The following TUB variants were observed in gnomAD, a reference collection of about 807,000 sequenced individuals.
The protein encoded by TUB is TUB bipartite transcription factor, also known as tubby protein homolog.
Under a neutral mutation model 59.7 loss-of-function variants are expected in TUB, and 33 were observed. The observed-to-expected ratio is 0.55, with a 90% CI of 0.42 to 0.74. The LOEUF (loss-of-function observed/expected upper bound fraction) is 0.74. Among genes scored for constraint, TUB ranks in the 30% least tolerant of loss-of-function variants. The pLI is 0.00. For synonymous variants in TUB, 293 were observed against 256.4 expected (o/e 1.14, Z -1.36); for missense variants, 659 against 672.0 (o/e 0.98, Z 0.21).
chr11:8,095,544 A>G lies in TUB; in HGVS notation c.444A>G (p.Gln148=). ...AALAEDKSEA[Q]GPVQILTVGQ... is the part of the protein sequence containing the mutation. Reference sequence around the variant, plus strand: ...TGGCAGAAGACAAGTCTGAGGCCCAAGGCCCAGTGCAGATTCTGACTGTGG... The same window carrying G: ...TGGCAGAAGACAAGTCTGAGGCCCAGGGCCCAGTGCAGATTCTGACTGTGG... The change falls in exon 5 of 12, where the codon CAA becomes CAG. Residue 148 remains glutamine (Q), a synonymous_variant. Coordinates refer to ENST00000299506, the MANE Select transcript of TUB (RefSeq NM_177972.3). 1.2e-6 allele frequency: 2 copies of G among 1,613,200 alleles called. No homozygotes were observed. The highest frequency in any genetic ancestry group is 1.7e-6 in the Non-Finnish European group (2 of 1,179,978).
At position 8,081,281 on chromosome 11, in the gene TUB, C is replaced by G. The variant is rs1943555646; in HGVS notation, c.-230C>G. 7 of 783,068 alleles carry G rather than the reference C, an allele frequency of 8.9e-6. No individual in the cohort carries two copies. In the South Asian group the frequency reaches 4.0e-4, roughly 45 times the overall value. 48.5% of individuals were successfully genotyped at this position (783,068 alleles called of 1,614,324 possible). On this transcript the variant is annotated 5_prime_UTR_variant, in exon 1 of 12. Transcript: ENST00000299506. ...TCCCCGCCTCCACGCGCGCGCACGA[C>G]CCGCGCACTCCCGGAGCTTCGCCCA...
At chr11:8,086,792 C>T (rs1359597965) in intron 1 of TUB, among the ~76,000 whole-genome samples, 1 of 152,172 alleles carries the variant, frequency 6.6e-6, no homozygotes, top group East Asian at 1.9e-4. Flanking sequence ...CACATGCCCG[C>T]TGGTGGGTGA....
intron 2 of TUB, among the ~76,000 whole-genome samples, chr11:8,045,278 A>T (rs1280093431): frequency 5.3e-5 from 8 of 152,170 alleles, no homozygotes; most frequent in Non-Finnish European, 1.2e-4. Context: ...ATCATGCAAG[A>T]ATTTCCAAGG....
At chr11:8,049,386 C>T (rs1056282063) in intron 2 of TUB, among the ~76,000 whole-genome samples, 2 of 151,974 alleles carry the variant, frequency 1.3e-5, no homozygotes, top group Non-Finnish European at 2.9e-5. Flanking sequence ...GAGAGTAGGG[C>T]CCAAGAATCT....
At chr11:8,075,640 A>C (rs1329583683) in intron 2 of TUB, 1 of 152,172 alleles carries the variant, frequency 6.6e-6, no homozygotes, top group Non-Finnish European at 1.5e-5. Context: ...ATTTAGGGTA[A>C]GTCCCATGAC....
intron 2 of TUB, among the ~76,000 whole-genome samples, chr11:8,074,346 A>G (rs1017398930): frequency 5.3e-5 from 8 of 152,190 alleles, no homozygotes; most frequent in Non-Finnish European, 1.2e-4. Flanking sequence ...CTTTGTATGA[A>G]ACCACATATG....
intron 10 of TUB, 84 bp from the exon 11 acceptor site, chr11:8,100,741 AC>A (rs1224539478): frequency 3.8e-6 from 6 of 1,575,438 alleles, no homozygotes; most frequent in Non-Finnish European, 4.3e-6. Flanking sequence ...AAATCCAAGG[AC>A]CCCCATTCCC....
chr11:8,047,334 C>G (rs1236022055), intron 2 of TUB, among the ~76,000 whole-genome samples: 1 of 152,196 alleles, frequency 6.6e-6, no homozygotes, highest in African/African-American at 2.4e-5. Flanking sequence ...GTGCTAAACT[C>G]TATCACAAGT....
chr11:8,061,415 A>G (rs1943123797), intron 2 of TUB, among the ~76,000 whole-genome samples: 1 of 152,094 alleles, frequency 6.6e-6, no homozygotes, highest in Non-Finnish European at 1.5e-5. Flanking sequence ...GGGTGGAAAC[A>G]CCCTGCGGTG....
At chr11:8,038,944 G>A (rs1310587580) in exon 1 of TUB, 4 of 1,614,044 alleles carry the variant, frequency 2.5e-6, no homozygotes, top group Non-Finnish European at 3.4e-6. Context: ...TTGTTCCCAG[G>A]AGGCACTCCC....
chr11:8,050,728 A>G (rs1241846392), intron 2 of TUB, among the ~76,000 whole-genome samples: 1 of 152,216 alleles, frequency 6.6e-6, no homozygotes, highest in Non-Finnish European at 1.5e-5. Context: ...TTTTCCCTTC[A>G]GCGAAGTCTG....
chr11:8,038,863 C>T (rs943866592), exon 1 of TUB: 17 of 1,613,464 alleles, frequency 1.1e-5, no homozygotes, highest in Non-Finnish European at 1.4e-5. Context: ...CCACTCCATC[C>T]TGTGGCCACG....
At chr11:8,060,525 C>T (rs1386857383) in intron 2 of TUB, among the ~76,000 whole-genome samples, 1 of 152,198 alleles carries the variant, frequency 6.6e-6, no homozygotes, top group Non-Finnish European at 1.5e-5. Context: ...GCCTCAGCTT[C>T]TTCATCTGAA....
intron 1 of TUB, among the ~76,000 whole-genome samples, chr11:8,029,398 T>C (rs1275293417): frequency 2.4e-4 from 36 of 150,076 alleles, no homozygotes; most frequent in Non-Finnish European, 4.0e-4. Flanking sequence ...CTTTTTTTTT[T>C]TTTTTTTTGA....
intron 1 of TUB, among the ~76,000 whole-genome samples, chr11:8,031,940 G>T (rs945645891): frequency 1.3e-5 from 2 of 152,230 alleles, no homozygotes; most frequent in Non-Finnish European, 2.9e-5. Context: ...TCTGTCTGGC[G>T]GCGTGTCCTT....
chr11:8,093,933 TG>T, intron 3 of TUB, 112 bp from the exon 4 acceptor site: 7 of 1,267,302 alleles, frequency 5.5e-6, no homozygotes, highest in Non-Finnish European at 7.9e-6. Flanking sequence ...GGGGCCCTGG[TG>T]GGACTCGGGG....
intron 8 of TUB, among the ~76,000 whole-genome samples, chr11:8,098,553 CTT>C (rs1275298564): frequency 6.6e-6 from 1 of 152,196 alleles, no homozygotes; most frequent in African/African-American, 2.4e-5. Context: ...CTGAAATGCA[CTT>C]TGAGTCAACT....
intron 2 of TUB, among the ~76,000 whole-genome samples, chr11:8,041,208 T>A (rs1244078221): frequency 6.6e-6 from 1 of 152,166 alleles, no homozygotes; most frequent in East Asian, 1.9e-4. Context: ...ATTTCTGGTG[T>A]TTGGTATCTC....
chr11:8,052,063 T>A (rs7939493), intron 2 of TUB, among the ~76,000 whole-genome samples: 29,326 of 152,244 alleles, frequency 0.19, 3,083 homozygotes, highest in African/African-American at 0.26. Context: ...TTTGGTACAG[T>A]TTCCTAGTAC....
Sources: gnomAD v4.1 joint callset for allele counts (sites outside exome capture counted in the v4.1 genomes callset) on GRCh38, gnomAD v4.1.1 for gene constraint, MANE v1.5 for transcripts, NCBI Gene and HGNC (gene_info 2026-07-23, HGNC 2026-07-21) for gene names.